DUX4: variants seen among roughly 807,000 people sequenced by gnomAD.
DUX4 encodes the protein double homeobox 4, also known as double homeobox protein 4.
downstream of DUX4, among the ~76,000 whole-genome samples, chr4:190,177,389 C>G (rs1742363864): frequency 1.5e-5 from 2 of 133,892 alleles, no homozygotes; most frequent in Non-Finnish European, 3.3e-5. Flanking sequence ...AGAAATATGT[C>G]ACAAAGCCCC....
downstream of DUX4, among the ~76,000 whole-genome samples, chr4:190,179,453 A>AAGTTACAACACCTGGGAAATCAGT (rs1742494200): frequency 4.1e-5 from 3 of 73,938 alleles, no homozygotes; most frequent in African/African-American, 1.1e-4. Flanking sequence ...GCACCCTGTA[A>AAGTTACAACACCTGGGAAATCAGT]GCAGATCCTA....
chr4:190,180,025 T>G (rs1742526266), downstream of DUX4, among the ~76,000 whole-genome samples: 1 of 91,588 alleles, frequency 1.1e-5, no homozygotes, highest in Non-Finnish European at 2.1e-5. Context: ...TTACATCACC[T>G]GTGTGATCAG....
downstream of DUX4, among the ~76,000 whole-genome samples, chr4:190,180,012 G>GGCA (rs1742525498): frequency 6.9e-6 from 1 of 145,464 alleles, no homozygotes; most frequent in African/African-American, 2.6e-5. Flanking sequence ...GCTTAAACTA[G>GGCA]AGTTACATCA....
chr4:190,176,672 T>C (rs1408417166), downstream of DUX4, among the ~76,000 whole-genome samples: 2,468 of 70,890 alleles, frequency 0.035, 23 homozygotes, highest in East Asian at 0.046. Flanking sequence ...GACAAGAGTT[T>C]CATCACTTGG....
chr4:190,177,163 A>ATCTGTGCAGAGCTATGG (rs1742346232), downstream of DUX4, among the ~76,000 whole-genome samples: 3 of 113,636 alleles, frequency 2.6e-5, no homozygotes, highest in Non-Finnish European at 4.0e-5. Context: ...CATCACCTAG[A>ATCTGTGCAGAGCTATGG]TGATCTGTGC....
At chr4:190,179,462 TAGAGA>T (rs1742495134), downstream of DUX4, among the ~76,000 whole-genome samples, 11 of 141,134 alleles carry the variant, frequency 7.8e-5, no homozygotes, top group South Asian at 2.2e-4. Flanking sequence ...AAGCAGATCC[TAGAGA>T]AGAGTTATAT....
intron 1 of DUX4, chr4:190,182,253 CATT>C (rs1742608399): frequency 1.6e-5 from 1 of 64,108 alleles, no homozygotes; most frequent in Non-Finnish European, 3.6e-5. Context: ...TTAGGGTGAG[CATT>C]AGGTTTAGGG....
downstream of DUX4, among the ~76,000 whole-genome samples, chr4:190,177,805 C>A (rs1579833338): frequency 6.6e-6 from 1 of 151,446 alleles, no homozygotes; most frequent in Non-Finnish European, 1.5e-5. Context: ...GTCACAATGC[C>A]CCCTTTTGGC....
chr4:190,176,457 G>T (rs1250140415), downstream of DUX4, among the ~76,000 whole-genome samples: 3 of 110,206 alleles, frequency 2.7e-5, 1 homozygote, highest in Admixed American at 1.1e-4. Flanking sequence ...GCAGGGCCTA[G>T]ACAAGTGTTA....
downstream of DUX4, among the ~76,000 whole-genome samples, chr4:190,180,125 G>T (rs1315969631): frequency 2.6e-3 from 9 of 3,488 alleles, no homozygotes; most frequent in African/African-American, 4.6e-3. Context: ...TGACAATGCC[G>T]CCAGTAGGCA....
At chr4:190,177,483 AGAAAATTG>A (rs1742370135), downstream of DUX4, among the ~76,000 whole-genome samples, 1 of 151,872 alleles carries the variant, frequency 6.6e-6, no homozygotes, top group Non-Finnish European at 1.5e-5. Flanking sequence ...GACAAATCCC[AGAAAATTG>A]TTACATCACC....
At chr4:190,178,565 TG>T (rs1742433575), downstream of DUX4, among the ~76,000 whole-genome samples, 5 of 73,530 alleles carry the variant, frequency 6.8e-5, no homozygotes, top group South Asian at 6.2e-4. Flanking sequence ...CAACGCCCCC[TG>T]TAGGCAGAGG....
chr4:190,178,025 TCC>T (rs1742400287), downstream of DUX4, among the ~76,000 whole-genome samples: 25 of 66,026 alleles, frequency 3.8e-4, no homozygotes, highest in African/African-American at 8.4e-4. Context: ...TGTAAGCAGA[TCC>T]CAGACAAGAG....
downstream of DUX4, among the ~76,000 whole-genome samples, chr4:190,177,969 T>A (rs1579833553): frequency 6.6e-6 from 1 of 152,266 alleles, no homozygotes. Context: ...TAGACAAGAG[T>A]TACATCACCT....
downstream of DUX4, chr4:190,175,908 C>G (rs1227847166): frequency 7.8e-6 from 1 of 127,662 alleles, no homozygotes; most frequent in East Asian, 3.3e-4. Context: ...GTAGAAAAAG[C>G]CTGAAATTGA....
intron 1 of DUX4, chr4:190,183,213 T>G (rs1742623469): frequency 9.9e-6 from 1 of 100,970 alleles, no homozygotes; most frequent in Admixed American, 1.3e-4. Flanking sequence ...ATTATTTATA[T>G]TACACTATTA....
At chr4:190,181,537 G>T (rs1579837684) in intron 1 of DUX4, among the ~76,000 whole-genome samples, 2 of 150,870 alleles carry the variant, frequency 1.3e-5, no homozygotes, top group Non-Finnish European at 3.0e-5. Flanking sequence ...TCACCTCGGT[G>T]ATCAATGCAG....
chr4:190,178,336 CAGAGATAT>C (rs1742418523), downstream of DUX4, among the ~76,000 whole-genome samples: 2 of 148,610 alleles, frequency 1.3e-5, no homozygotes, highest in Non-Finnish European at 1.5e-5. Flanking sequence ...GTGATCAGTG[CAGAGATAT>C]GTCACAATGT....
At chr4:190,179,795 AAG>A (rs1742513378), downstream of DUX4, among the ~76,000 whole-genome samples, 2 of 146,480 alleles carry the variant, frequency 1.4e-5, no homozygotes, top group Non-Finnish European at 3.0e-5. Context: ...CCCTGTAGGC[AAG>A]CCTACACAAG....
Sources: gnomAD v4.1 joint callset for allele counts (sites outside exome capture counted in the v4.1 genomes callset) on GRCh38, gnomAD v4.1.1 for gene constraint, MANE v1.5 for transcripts, NCBI Gene and HGNC (gene_info 2026-07-23, HGNC 2026-07-21) for gene names.